The following CLEC16A variants were observed in gnomAD, a reference collection of about 807,000 sequenced individuals.
The protein encoded by CLEC16A is protein CLEC16A.
A neutral mutation model predicts 109.5 loss-of-function variants in CLEC16A; 51 were observed. The observed-to-expected ratio is 0.47, with a 90% CI of 0.37 to 0.59. The LOEUF (loss-of-function observed/expected upper bound fraction) is 0.59. Ranked by LOEUF, CLEC16A falls within the 20% of genes least tolerant of loss-of-function variation. The pLI, the probability that CLEC16A is intolerant of heterozygous loss-of-function variation, is 0.00. For missense variants in CLEC16A, 1,339 were observed against 1,394.0 expected, an observed-to-expected ratio of 0.96 and a Z score of 0.63; for synonymous variants, 673 against 564.2, an observed-to-expected ratio of 1.19 and a Z score of -2.73.
intron 11 of CLEC16A, among the ~76,000 whole-genome samples, chr16:11,005,817 G>C (rs1014726180): frequency 2.0e-5 from 3 of 152,068 alleles, no homozygotes. Flanking sequence ...GTAGATGCTG[G>C]GCAGTGCCTA....
chr16:10,970,769 C>T (rs188612206), intron 4 of CLEC16A, among the ~76,000 whole-genome samples: 34 of 152,310 alleles, frequency 2.2e-4, no homozygotes, highest in Admixed American at 1.5e-3. Flanking sequence ...TGTTTTGAGA[C>T]AGGGTCTTGC....
At chr16:11,166,596 C>G (rs541093681) in intron 23 of CLEC16A, 44 bp downstream of exon 23, 4 of 1,511,122 alleles carry the variant, frequency 2.6e-6, no homozygotes, top group South Asian at 2.6e-5. Context: ...TTTGGAGAAC[C>G]CCGTGATCCC....
chr16:11,156,200 A>C (rs2054510265), intron 22 of CLEC16A, among the ~76,000 whole-genome samples: 2 of 151,892 alleles, frequency 1.3e-5, no homozygotes, highest in Admixed American at 1.3e-4. Flanking sequence ...ATCTCTACTA[A>C]AAATACAAAA....
At chr16:10,999,489 G>C (rs1009695234) in intron 10 of CLEC16A, among the ~76,000 whole-genome samples, 1 of 152,174 alleles carries the variant, frequency 6.6e-6, no homozygotes, top group African/African-American at 2.4e-5. Context: ...TCCTGGTGCT[G>C]AGTCTGCATC....
In CLEC16A at chr16:11,106,431, G is replaced by T. The variant is rs189055021; in HGVS notation, c.2117-14184G>T. On this transcript the variant is annotated intron_variant, in intron 19 of 23. Transcript: ENST00000409790. ...GGCCTCCGAAGCAGCTAGGATTACA[G>T]GTGTGAGCCACCACACCCAGCCCAA... is the stretch of plus-strand genomic sequence containing the variant. Among the ~76,000 whole-genome samples, 27 of 150,864 alleles carry T rather than the reference G, an allele frequency of 1.8e-4. No homozygotes were observed. In the East Asian group the frequency reaches 4.9e-3, roughly 27 times the overall value.
chr16:11,057,329 T>C (rs190384324), intron 18 of CLEC16A, among the ~76,000 whole-genome samples: 11 of 152,340 alleles, frequency 7.2e-5, no homozygotes, highest in Non-Finnish European at 1.3e-4. Context: ...GAGCCTTTGT[T>C]CCAGGCCAGC....
chr16:11,112,389 G>C (rs575873514), intron 19 of CLEC16A, among the ~76,000 whole-genome samples: 1 of 151,402 alleles, frequency 6.6e-6, no homozygotes, highest in Non-Finnish European at 1.5e-5. Context: ...GTCAGGTGTG[G>C]TGGCTCACAC....
At chr16:11,062,281 TTGC>T (rs2048523885) in intron 19 of CLEC16A, among the ~76,000 whole-genome samples, 1 of 152,192 alleles carries the variant, frequency 6.6e-6, no homozygotes, top group Admixed American at 6.5e-5. Context: ...AGCACTGTTG[TTGC>T]TGTTTTAAAT....
intron 22 of CLEC16A, among the ~76,000 whole-genome samples, chr16:11,134,936 C>G (rs866942115): frequency 8.5e-5 from 13 of 152,242 alleles, no homozygotes; most frequent in African/African-American, 3.1e-4. Context: ...TGCCCCAAGA[C>G]CCACTTCCAG....
chr16:11,176,017 C>T (rs1316154665), intron 23 of CLEC16A, among the ~76,000 whole-genome samples: 2 of 152,264 alleles, frequency 1.3e-5, no homozygotes, highest in African/African-American at 2.4e-5. Context: ...TCTAAACTGC[C>T]TCCTCAGCAG....
intron 22 of CLEC16A, among the ~76,000 whole-genome samples, chr16:11,158,873 T>TCC (rs2054622342): frequency 6.7e-6 from 1 of 149,404 alleles, no homozygotes; most frequent in Non-Finnish European, 1.5e-5. Context: ...GGAGCCAAGA[T>TCC]CATGCCACTG....
intron 1 of CLEC16A, among the ~76,000 whole-genome samples, chr16:10,955,331 G>A (rs933037813): frequency 6.6e-6 from 1 of 152,198 alleles, no homozygotes; most frequent in Admixed American, 6.5e-5. Flanking sequence ...CATTTGGAGT[G>A]TATTGGGGTC....
At chr16:11,010,594 C>G (rs2045343096) in intron 11 of CLEC16A, among the ~76,000 whole-genome samples, 1 of 152,140 alleles carries the variant, frequency 6.6e-6, no homozygotes, top group Non-Finnish European at 1.5e-5. Flanking sequence ...TCATCGTGCC[C>G]CTTTCCTCCT....
chr16:11,100,202 G>A (rs559729358), intron 19 of CLEC16A, among the ~76,000 whole-genome samples: 150 of 152,312 alleles, frequency 9.8e-4, no homozygotes, highest in African/African-American at 3.5e-3. Flanking sequence ...TTCCTTAACA[G>A]GGAGGTAAGA....
intron 2 of CLEC16A, among the ~76,000 whole-genome samples, chr16:10,959,765 C>T (rs1368509709): frequency 8.6e-5 from 13 of 151,892 alleles, no homozygotes; most frequent in African/African-American, 2.4e-4. Context: ...ACTGTGTCCC[C>T]CTTGACTAGA....
At chr16:10,965,987 AC>A (rs1462624811) in intron 3 of CLEC16A, among the ~76,000 whole-genome samples, 1 of 152,152 alleles carries the variant, frequency 6.6e-6, no homozygotes, top group Non-Finnish European at 1.5e-5. Context: ...CTAGCCAGTC[AC>A]AGCAGGGCTC....
chr16:11,160,806 C>T (rs374600104), intron 22 of CLEC16A, among the ~76,000 whole-genome samples: 1 of 152,236 alleles, frequency 6.6e-6, no homozygotes, highest in Admixed American at 6.5e-5. Context: ...TTTCAGTGCT[C>T]TGCTGTCCCT....
intron 22 of CLEC16A, among the ~76,000 whole-genome samples, chr16:11,134,197 T>TA (rs981802971): frequency 1.3e-5 from 2 of 151,362 alleles, no homozygotes; most frequent in African/African-American, 4.9e-5. Context: ...TTTTTTTTTT[T>TA]TTTTTTTGAA....
At chr16:11,008,885 G>C (rs1000785577) in intron 11 of CLEC16A, among the ~76,000 whole-genome samples, 1 of 150,562 alleles carries the variant, frequency 6.6e-6, no homozygotes, top group East Asian at 1.9e-4. Flanking sequence ...TGTAGTCCCA[G>C]CTACTCGGGA....
Sources: gnomAD v4.1 joint callset for allele counts (sites outside exome capture counted in the v4.1 genomes callset) on GRCh38, gnomAD v4.1.1 for gene constraint, MANE v1.5 for transcripts, NCBI Gene and HGNC (gene_info 2026-07-23, HGNC 2026-07-21) for gene names.